The following DDIAS variants were observed in gnomAD, a reference collection of about 807,000 sequenced individuals.
DDIAS encodes DNA damage-induced apoptosis suppressor protein.
A neutral mutation model predicts 15.7 loss-of-function variants in DDIAS; 14 were observed. That is an observed-to-expected ratio of 0.89 (90% CI 0.59 to 1.39). DDIAS has a LOEUF of 1.39. DDIAS is among the 40% of genes most tolerant of loss of function. DDIAS has a pLI of 0.00. For synonymous variants in DDIAS, 355 were observed against 395.9 expected, an observed-to-expected ratio of 0.90 and a Z score of 1.23; for missense variants, 1,035 against 1,130.9, an observed-to-expected ratio of 0.92 and a Z score of 1.22.
At chr11:82,912,951 A>G (rs1860554979) in intron 1 of DDIAS, among the ~76,000 whole-genome samples, 1 of 152,188 alleles carries the variant, frequency 6.6e-6, no homozygotes, top group South Asian at 2.1e-4. Flanking sequence ...GGGCAGTCAG[A>G]CACACATTTA....
intron 3 of DDIAS, among the ~76,000 whole-genome samples, chr11:82,923,244 G>C (rs1490857443): frequency 6.6e-6 from 1 of 152,184 alleles, no homozygotes; most frequent in African/African-American, 2.4e-5. Context: ...ATCTAATCCT[G>C]CCTCCCATCC....
intron 1 of DDIAS, among the ~76,000 whole-genome samples, chr11:82,908,666 A>G (rs1398767785): frequency 6.6e-6 from 1 of 152,224 alleles, no homozygotes; most frequent in Non-Finnish European, 1.5e-5. Flanking sequence ...AATCAAAACT[A>G]CATTGTTATC....
intron 3 of DDIAS, among the ~76,000 whole-genome samples, chr11:82,916,921 AC>A (rs1390587984): frequency 9.2e-5 from 14 of 152,260 alleles, no homozygotes; most frequent in African/African-American, 3.1e-4. Context: ...TCACCATATT[AC>A]TTCCAAATTA....
At chr11:82,918,555 G>A (rs1225594667) in intron 3 of DDIAS, among the ~76,000 whole-genome samples, 1 of 152,132 alleles carries the variant, frequency 6.6e-6, no homozygotes, top group South Asian at 2.1e-4. Context: ...TGCTTTGGCT[G>A]TGCAGGCCAT....
At chr11:82,905,102 A>G (rs1015994639) in intron 1 of DDIAS, among the ~76,000 whole-genome samples, 2 of 152,200 alleles carry the variant, frequency 1.3e-5, no homozygotes, top group African/African-American at 2.4e-5. Context: ...GATATGTACT[A>G]TAGTGTGTCC....
chr11:82,902,089 A>C (rs2121304057), intron 1 of DDIAS, among the ~76,000 whole-genome samples: 1 of 152,308 alleles, frequency 6.6e-6, no homozygotes, highest in Admixed American at 6.5e-5. Context: ...TTAGAATCGG[A>C]AATAGAGAGG....
chr11:82,933,589 A>G lies in DDIAS; in HGVS notation c.2251A>G (p.Thr751Ala), dbSNP rs1384959757. 1.2e-6 allele frequency: 2 copies of G among 1,613,928 alleles called. No homozygotes were observed. The highest frequency in any genetic ancestry group is 1.7e-5 in the Admixed American group (1 of 59,998). The change falls in exon 6 of 6, where the codon ACA becomes GCA. Residue 751 changes from threonine to alanine, a missense_variant. Thr to Ala is a moderately conservative substitution (Grantham distance 58, BLOSUM62 0). Transcript: ENST00000533655. ...TAGGCATTCAAGAACATGCTCTCCAACACCTCATTTTCAATCAGATTCAGA... is the reference window on the plus strand; with the variant it reads ...TAGGCATTCAAGAACATGCTCTCCAGCACCTCATTTTCAATCAGATTCAGA... Reference protein sequence around the residue: ...DSRHSRTCSPTPHFQSDSEYN... With the variant: ...DSRHSRTCSPAPHFQSDSEYN...
intron 3 of DDIAS, among the ~76,000 whole-genome samples, chr11:82,918,378 A>G (rs1484787455): frequency 6.6e-6 from 1 of 152,226 alleles, no homozygotes. Flanking sequence ...GTCAAAGATC[A>G]GTTGGCTGTA....
intron 3 of DDIAS, among the ~76,000 whole-genome samples, chr11:82,918,367 T>G (rs1376270760): frequency 6.6e-6 from 1 of 152,232 alleles, no homozygotes; most frequent in African/African-American, 2.4e-5. Context: ...TTGTTCACTT[T>G]GTCAAAGATC....
rs1861042483 is a variant in DDIAS at position 82,933,304 on chromosome 11, C to T, written c.1966C>T (p.His656Tyr). 2.5e-6 allele frequency: 4 copies of T among 1,613,816 alleles called. No individual in the cohort carries two copies. The South Asian group carries it at 3.3e-5, about 13-fold the overall frequency. ...TACATTGAAAGAAATGCCTTGGGGA[C>T]ATATCAATAACAACGTAACACAGAG... ...TNTLKEMPWGHINNNVTQSYS... is the reference protein window; with the variant it reads ...TNTLKEMPWGYINNNVTQSYS... Residue 656 changes from histidine to tyrosine, a missense_variant, in exon 6 of 6, where the codon CAT (histidine) becomes TAT (tyrosine). Coordinates refer to ENST00000533655, the MANE Select transcript of DDIAS (RefSeq NM_145018.4).
In DDIAS at chr11:82,933,655, C is replaced by G; in HGVS notation, c.2317C>G (p.Gln773Glu). The G allele has an allele frequency of 6.2e-7, 1 of 1,614,014 alleles. No individual in the cohort carries two copies. The part of the protein sequence containing the change: ...ENSQDFVPCS[Q>E]STPISGFHQT... ...TAGTCAAGACTTTGTTCCATGTTCA[C>G]AGTCAACTCCAATTTCAGGGTTCCA... The change falls in exon 6 of 6, where the codon CAG becomes GAG. Residue 773 changes from glutamine to glutamate, a missense_variant. Coordinates refer to ENST00000533655, the MANE Select transcript of DDIAS (RefSeq NM_145018.4).
At chr11:82,912,021 C>T (rs1860538292) in intron 1 of DDIAS, among the ~76,000 whole-genome samples, 2 of 152,152 alleles carry the variant, frequency 1.3e-5, no homozygotes, top group African/African-American at 4.8e-5. Flanking sequence ...TTCAGTAAAT[C>T]ATGCCATAAA....
intron 3 of DDIAS, 85 bp from the exon 4 acceptor site, chr11:82,928,692 T>C (rs1860919623): frequency 2.1e-6 from 3 of 1,401,692 alleles, no homozygotes; most frequent in African/African-American, 1.4e-5. Context: ...CAAAATGTTA[T>C]TTTAAATTTT....
rs145355816 is a variant in DDIAS, at chr11:82,912,318, A to G, written c.-116-969A>G. Among the ~76,000 whole-genome samples the G allele has an allele frequency of 4.0e-4, 61 of 152,256 alleles. 1 individual carries two copies. Among genetic ancestry groups the G allele is most frequent in the African/African-American group, 1.3e-3 (55 of 41,560 alleles). ...TCTGTTGTTTAGTGTAGCCACCATC[A>G]TCAACTAGTTAAGATCTACTTATCT... On this transcript the variant is annotated intron_variant, in intron 1 of 5. Coordinates refer to ENST00000533655, the MANE Select transcript of DDIAS (RefSeq NM_145018.4).
intron 3 of DDIAS, among the ~76,000 whole-genome samples, chr11:82,917,298 C>G (rs1565245867): frequency 6.6e-6 from 1 of 151,950 alleles, no homozygotes; most frequent in Admixed American, 6.6e-5. Flanking sequence ...CTCTCACCCC[C>G]TCCCACCCTT....
At chr11:82,929,596 C>T (rs539823881) in intron 4 of DDIAS, among the ~76,000 whole-genome samples, 12 of 149,728 alleles carry the variant, frequency 8.0e-5, no homozygotes, top group South Asian at 6.4e-4. Flanking sequence ...CCAGCTACGC[C>T]GGGAGGCTGA....
intron 3 of DDIAS, among the ~76,000 whole-genome samples, chr11:82,920,876 A>G (rs936140307): frequency 4.6e-5 from 7 of 152,132 alleles, no homozygotes; most frequent in South Asian, 2.1e-4. Flanking sequence ...TGCTCTGTAT[A>G]TTATCTGTTA....
chr11:82,918,258 A>T (rs1860670275), intron 3 of DDIAS, among the ~76,000 whole-genome samples: 1 of 152,176 alleles, frequency 6.6e-6, no homozygotes, highest in African/African-American at 2.4e-5. Flanking sequence ...TAAGTCCTTA[A>T]TCCATCTTGA....
At chr11:82,931,556 C>T (rs1441774111) in intron 5 of DDIAS, among the ~76,000 whole-genome samples, 176 bp from the exon 6 acceptor site, 2 of 152,052 alleles carry the variant, frequency 1.3e-5, no homozygotes, top group African/African-American at 4.8e-5. Flanking sequence ...AGAGGTTTTA[C>T]CATGTTGCCC....
Sources: gnomAD v4.1 joint callset for allele counts (sites outside exome capture counted in the v4.1 genomes callset) on GRCh38, gnomAD v4.1.1 for gene constraint, MANE v1.5 for transcripts, NCBI Gene and HGNC (gene_info 2026-07-23, HGNC 2026-07-21) for gene names.